ALDH16A1: variants seen among roughly 807,000 people sequenced by gnomAD.
ALDH16A1 encodes aldehyde dehydrogenase 16 family member A1, also known as aldehyde dehydrogenase family 16 member A1.
Under a neutral mutation model 96.1 loss-of-function variants are expected in ALDH16A1, and 88 were observed. That is an observed-to-expected ratio of 0.92 (90% CI 0.77 to 1.09). The LOEUF (loss-of-function observed/expected upper bound fraction) is 1.09, where lower values mean the gene tolerates loss of function less well. ALDH16A1 is among the 50% of genes least tolerant of loss of function. The pLI is 0.00. For missense variants in ALDH16A1, 1,250 were observed against 1,112.6 expected (o/e 1.12, Z -1.76); for synonymous variants, 522 against 496.4 (o/e 1.05, Z -0.69).
In ALDH16A1 at chr19:49,470,569, T is replaced by A; in HGVS notation, c.*102T>A. ...CCCTTCTGGTTCCTGTGTCTCCCAA[T>A]AAACTCTCTGACCAACCCTAGCTGT... On this transcript the variant is annotated 3_prime_UTR_variant, in exon 17 of 17. Transcript: ENST00000293350. The A allele has an allele frequency of 7.5e-7, 1 of 1,333,122 alleles. No individual in the cohort carries two copies. Among genetic ancestry groups the A allele is most frequent in the Non-Finnish European group, 9.8e-7 (1 of 1,018,048 alleles). The allele number at this position is 1,333,122 out of a possible 1,614,324, so 82.6% of individuals were successfully genotyped here. A position where few individuals can be genotyped will look rare whatever the true frequency, so the allele number is the denominator to read the frequency against.
intron 14 of ALDH16A1, among the ~76,000 whole-genome samples, chr19:49,467,061 C>T (rs1415536168): frequency 7.9e-5 from 12 of 152,108 alleles, no homozygotes; most frequent in East Asian, 1.9e-4. Context: ...CTCTGGCACC[C>T]GGCTGGAGTG....
In ALDH16A1 at chr19:49,461,780, G is replaced by T; in HGVS notation, c.739G>T (p.Ala247Ser). The change falls in exon 6 of 17, where the codon GCC (alanine) becomes TCC (serine). Residue 247 changes from alanine (A) to serine (S), a missense_variant. Physicochemically the swap from Ala to Ser is moderately conservative, Grantham distance 99. Coordinates refer to ENST00000293350, the MANE Select transcript of ALDH16A1 (RefSeq NM_153329.4). ...CTCCCAGCCTGGAATCCGGAAGGTG[G>T]CCTTCTGCGGAGCCCCGGAGGTACC... ...LASQPGIRKV[A>S]FCGAPEEGRA... The T allele has an allele frequency of 6.2e-7, 1 of 1,611,268 alleles. No homozygotes were observed. The highest frequency in any genetic ancestry group is 8.5e-7 in the Non-Finnish European group (1 of 1,178,882).
intron 1 of ALDH16A1, among the ~76,000 whole-genome samples, chr19:49,455,150 G>T (rs371579882): frequency 1.3e-5 from 2 of 150,614 alleles, no homozygotes; most frequent in East Asian, 2.0e-4. Context: ...GGGCGCAGTG[G>T]TTCACACCTG....
Position 49,461,879 on chromosome 19 carries a change from C to T in ALDH16A1, c.760-5C>T. ...TCCTGCGGCTGAACTGGGGGGGGTC[C>T]CTAGGAAGGGCGTGCCCTTCGACGG... On this transcript the variant is annotated splice_region_variant and splice_polypyrimidine_tract_variant and intron_variant, in intron 6 of 16. Coordinates refer to ENST00000293350, the MANE Select transcript of ALDH16A1 (RefSeq NM_153329.4). The T allele has an allele frequency of 6.3e-7, 1 of 1,587,930 alleles. No individual in the cohort carries two copies. Among genetic ancestry groups the T allele is most frequent in the Non-Finnish European group, 8.6e-7 (1 of 1,167,468 alleles).
chr19:49,455,121 A>G (rs2079097523), intron 1 of ALDH16A1, among the ~76,000 whole-genome samples: 1 of 151,158 alleles, frequency 6.6e-6, no homozygotes, highest in Non-Finnish European at 1.5e-5. Flanking sequence ...CTGTCTCCAA[A>G]AAAAATACAA....
chr19:49,470,556 C>T lies in ALDH16A1; in HGVS notation c.*89C>T. On this transcript the variant is annotated 3_prime_UTR_variant, in exon 17 of 17. Coordinates refer to ENST00000293350, the MANE Select transcript of ALDH16A1 (RefSeq NM_153329.4). ...ACCTGGGACTTTCCCCTTCTGGTTC[C>T]TGTGTCTCCCAATAAACTCTCTGAC... 7.3e-7 allele frequency: 1 copy of T among 1,377,492 alleles called. No homozygotes were observed. The highest frequency in any genetic ancestry group is 9.5e-7 in the Non-Finnish European group (1 of 1,053,908). 85.3% of individuals were successfully genotyped at this position (1,377,492 alleles called of 1,614,324 possible).
chr19:49,454,742 G>A (rs1414669790), intron 1 of ALDH16A1, among the ~76,000 whole-genome samples: 2 of 152,226 alleles, frequency 1.3e-5, no homozygotes, highest in African/African-American at 4.8e-5. Flanking sequence ...TAGAACTTGG[G>A]GAGGCCAAGA....
rs749116285 is a variant in ALDH16A1, at chr19:49,463,840, A to G, written c.1099-14A>G. ...GGGACCAGAAGTCGACTTCTAGATC[A>G]TTTCTCTCCCTAGGTGTTCCAGGCT... On this transcript the variant is annotated splice_polypyrimidine_tract_variant and intron_variant, in intron 8 of 16. Transcript: ENST00000293350. The G allele has an allele frequency of 2.5e-6, 4 of 1,609,698 alleles. No individual in the cohort carries two copies. The East Asian group carries it at 8.9e-5, about 36-fold the overall frequency.
At chr19:49,454,020 G>GT (rs3032838) in intron 1 of ALDH16A1, among the ~76,000 whole-genome samples, 1,114 of 68,184 alleles carry the variant, frequency 0.016, 14 homozygotes, top group African/African-American at 0.044. Flanking sequence ...TTTGGGTTGG[G>GT]TTTTTTTTTT....
intron 16 of ALDH16A1, 99 bp downstream of exon 16, chr19:49,469,085 G>C (rs1032653514): frequency 6.7e-7 from 1 of 1,483,838 alleles, no homozygotes; most frequent in Admixed American, 2.1e-5. Flanking sequence ...ACTCCTGTTG[G>C]TAAGGGGAGA....
intron 5 of ALDH16A1, 77 bp from the exon 6 acceptor site, chr19:49,461,542 G>GACCT (rs1229046100): frequency 1.8e-6 from 1 of 553,704 alleles, no homozygotes; most frequent in Non-Finnish European, 2.6e-6. Flanking sequence ...GAGGGGCTGG[G>GACCT]GGTCCAGATT....
rs1301238029 is a variant in ALDH16A1 at position 49,459,059 on chromosome 19, GCGT to G, written c.298_300del (p.Val100del). On this transcript the variant is annotated inframe_deletion, in exon 3 of 17. Transcript: ENST00000293350. The surrounding 1 kb of genome is among the most constrained non-coding windows in gnomAD (Gnocchi z 4.1). ...TTTAAGGGCTGGAGTGCGCACCCCG[GCGT>G]CGTCCGGGCCCAGCACCTGACCAGG... The G allele has an allele frequency of 6.2e-7, 1 of 1,613,100 alleles. No individual in the cohort carries two copies. Among genetic ancestry groups the G allele is most frequent in the Non-Finnish European group, 8.5e-7 (1 of 1,179,960 alleles).
chr19:49,467,146 T>G (rs2079205768), intron 14 of ALDH16A1, among the ~76,000 whole-genome samples: 1 of 152,092 alleles, frequency 6.6e-6, no homozygotes, highest in Non-Finnish European at 1.5e-5. Context: ...GCCTCCTGAG[T>G]ATCTGGGATC....
chr19:49,453,431 T>C lies in ALDH16A1; in HGVS notation c.90+10T>C, dbSNP rs78750735. 0.02 allele frequency: 29,869 copies of C among 1,531,638 alleles called. 347 individuals carry two copies. Among genetic ancestry groups the C allele is most frequent in the Non-Finnish European group, 0.024 (26,849 of 1,136,948 alleles). The allele number at this position is 1,531,638 out of a possible 1,614,324, so 94.9% of individuals were successfully genotyped here. A position where few individuals can be genotyped will look rare whatever the true frequency, so the allele number is the denominator to read the frequency against. On this transcript the variant is annotated intron_variant, in intron 1 of 16. Transcript: ENST00000293350. ...CCACGCATGCGCACTGGTGAGAGTC[T>C]GCCCGGCCGGCGCTGCTCGCTGCGT... is the stretch of plus-strand genomic sequence containing the variant.
rs762986074 is a variant in ALDH16A1, at chr19:49,461,838, G to A, written c.759+38G>A. ...CAGGGGTCGTGGCGGAACGCGGCTG[G>A]GGGCCGCAAGGCTCCTCCTGCGGCT... On this transcript the variant is annotated intron_variant, in intron 6 of 16. Coordinates refer to ENST00000293350, the MANE Select transcript of ALDH16A1 (RefSeq NM_153329.4). 3 of 1,601,056 alleles carry A rather than the reference G, an allele frequency of 1.9e-6. No homozygotes were observed. In the South Asian group the frequency reaches 3.3e-5, roughly 18 times the overall value.
At chr19:49,466,381 C>G (rs1278546455) in intron 14 of ALDH16A1, 98 bp downstream of exon 14, 1 of 1,229,230 alleles carries the variant, frequency 8.1e-7, no homozygotes, top group African/African-American at 1.6e-5. Context: ...GGGCCCAGCC[C>G]CACCGCCTTC....
In ALDH16A1 at chr19:49,453,389, G is replaced by C. The variant is rs537615242; in HGVS notation, c.58G>C (p.Gly20Arg). ...AREIFTSLEY[G>R]PVPESHACAL... ...CGAGATCTTCACCTCGCTGGAGTACGGACCGGTGCCGGAGAGCCACGCATG... is the reference window on the plus strand; with the variant it reads ...CGAGATCTTCACCTCGCTGGAGTACCGACCGGTGCCGGAGAGCCACGCATG... The change falls in exon 1 of 17, where the codon GGA becomes CGA. Residue 20 changes from glycine to arginine, a missense_variant. Coordinates refer to ENST00000293350, the MANE Select transcript of ALDH16A1 (RefSeq NM_153329.4). 2.4e-5 allele frequency: 38 copies of C among 1,563,898 alleles called. No homozygotes were observed. Among genetic ancestry groups the C allele is most frequent in the Non-Finnish European group, 3.3e-5 (38 of 1,156,868 alleles).
At position 49,468,769 on chromosome 19, in the gene ALDH16A1, C is replaced by T. The variant is rs552351343; in HGVS notation, c.2125-95C>T. 13 of 1,456,952 alleles carry T rather than the reference C, an allele frequency of 8.9e-6. No homozygotes were observed. The African/African-American group carries it at 1.4e-4, about 16-fold the overall frequency. The allele number at this position is 1,456,952 out of a possible 1,614,324, so 90.3% of individuals were successfully genotyped here. A position where few individuals can be genotyped will look rare whatever the true frequency, so the allele number is the denominator to read the frequency against. On this transcript the variant is annotated intron_variant, in intron 15 of 16. Coordinates refer to ENST00000293350, the MANE Select transcript of ALDH16A1 (RefSeq NM_153329.4). This position sits in a 1 kb window ranked among gnomAD's most constrained non-coding sequence, Gnocchi z 4.4. ...GCCTGGGGCTTTCTCCTCCATGACCCCCCATCCCCTTCCCTCCCATGGGCA... is the reference window on the plus strand; with the variant it reads ...GCCTGGGGCTTTCTCCTCCATGACCTCCCATCCCCTTCCCTCCCATGGGCA...
At chr19:49,462,106 C>A in intron 7 of ALDH16A1, 70 bp downstream of exon 7, 2 of 1,439,676 alleles carry the variant, frequency 1.4e-6, no homozygotes, top group East Asian at 2.7e-5. Context: ...TCTTCGGGGT[C>A]CCGAGTCTCT....
Sources: gnomAD v4.1 joint callset for allele counts (sites outside exome capture counted in the v4.1 genomes callset) on GRCh38, gnomAD v4.1.1 for gene constraint, Gnocchi (gnomAD v3.1) non-coding constraint, MANE v1.5 for transcripts, NCBI Gene and HGNC (gene_info 2026-07-23, HGNC 2026-07-21) for gene names.